Variants in SLC44A5 observed in about 807,000 individuals in gnomAD.
SLC44A5 encodes the protein choline transporter-like protein 5.
In SLC44A5, 57 loss-of-function variants were observed where a neutral mutation model predicts 101.8. That is an observed-to-expected ratio of 0.56 (90% CI 0.45 to 0.70). The LOEUF is 0.70. Ranked by LOEUF, SLC44A5 falls within the 30% of genes least tolerant of loss-of-function variation. SLC44A5 has a pLI of 0.00. For missense variants in SLC44A5, 737 were observed against 853.1 expected, an observed-to-expected ratio of 0.86 and a Z score of 1.70; for synonymous variants, 281 against 290.9, an observed-to-expected ratio of 0.97 and a Z score of 0.35.
At chr1:75,635,144 A>C in the SLC44A5 span, among the ~76,000 whole-genome samples, 29 of 151,728 alleles carry the variant, frequency 1.9e-4, no homozygotes, top group African/African-American at 6.8e-4. Context: ...GCAATCATTA[A>C]AAAGTCAGGA....
At chr1:75,565,589 C>T (rs1672746364) in intron 1 of SLC44A5, among the ~76,000 whole-genome samples, 1 of 152,198 alleles carries the variant, frequency 6.6e-6, no homozygotes, top group South Asian at 2.1e-4. Context: ...TCCATTTTTG[C>T]CACACATATT....
chr1:75,242,449 G>GT (rs1274279148), intron 8 of SLC44A5, among the ~76,000 whole-genome samples: 15 of 151,822 alleles, frequency 9.9e-5, no homozygotes, highest in South Asian at 8.3e-4. Context: ...ATTCTCTTAC[G>GT]TATCTCAAAC....
chr1:75,225,301 G>GTGTA (rs1647173824), intron 13 of SLC44A5, among the ~76,000 whole-genome samples: 1 of 152,154 alleles, frequency 6.6e-6, no homozygotes. Context: ...TAGCCTAAGA[G>GTGTA]TGTAGTAGGC....
In SLC44A5 at chr1:75,332,291, C is replaced by A. The variant is rs12033814; in HGVS notation, c.101+7291G>T. On this transcript the variant is annotated intron_variant, in intron 4 of 23. Transcript: ENST00000370859. Reference sequence around the variant, plus strand: ...GGAAGCCCACTGATAAATTTAATTTCAATATCAGCTACTGTATTAGTCTTG... The same window carrying A: ...GGAAGCCCACTGATAAATTTAATTTAAATATCAGCTACTGTATTAGTCTTG... Among the ~76,000 whole-genome samples the A allele has an allele frequency of 3.9e-4, 59 of 152,228 alleles. 1 individual carries two copies. The East Asian group carries it at 9.7e-3, about 25-fold the overall frequency.
intron 22 of SLC44A5, among the ~76,000 whole-genome samples, chr1:75,211,969 G>A (rs368660759): frequency 6.8e-6 from 1 of 146,002 alleles, no homozygotes; most frequent in African/African-American, 2.5e-5. Context: ...TTTCTCCCTC[G>A]GATAACAGTT....
At chr1:75,527,591 G>C (rs983419087) in intron 2 of SLC44A5, among the ~76,000 whole-genome samples, 1 of 152,126 alleles carries the variant, frequency 6.6e-6, no homozygotes, top group African/African-American at 2.4e-5. Flanking sequence ...CTCTGTATGA[G>C]AATTCAGATT....
intron 3 of SLC44A5, among the ~76,000 whole-genome samples, chr1:75,345,008 C>T (rs1286203523): frequency 6.6e-6 from 1 of 151,914 alleles, no homozygotes; most frequent in Non-Finnish European, 1.5e-5. Context: ...TAAATATTTA[C>T]AAGATAAGTT....
At chr1:75,658,232 C>A in the SLC44A5 span, among the ~76,000 whole-genome samples, 1 of 151,590 alleles carries the variant, frequency 6.6e-6, no homozygotes, top group South Asian at 2.1e-4. Context: ...TGCCACTATA[C>A]CTGGCTAATT....
the SLC44A5 span, among the ~76,000 whole-genome samples, chr1:75,689,069 A>G: frequency 2.0e-5 from 3 of 152,136 alleles, no homozygotes; most frequent in Admixed American, 2.0e-4. Context: ...GCTTTTTGAG[A>G]GGACTAATCC....
chr1:75,469,784 T>C (rs1018508759), intron 2 of SLC44A5, among the ~76,000 whole-genome samples: 4 of 151,230 alleles, frequency 2.6e-5, no homozygotes, highest in Non-Finnish European at 4.4e-5. Flanking sequence ...CCTGTAGTCC[T>C]AGCTACTCAG....
chr1:75,475,830 G>A (rs1667358382), intron 2 of SLC44A5, among the ~76,000 whole-genome samples: 1 of 152,212 alleles, frequency 6.6e-6, no homozygotes, highest in South Asian at 2.1e-4. Context: ...TGTGATGGTG[G>A]TGAACTTATT....
intron 2 of SLC44A5, among the ~76,000 whole-genome samples, chr1:75,458,645 T>C (rs1570340338): frequency 6.6e-6 from 1 of 152,070 alleles, no homozygotes; most frequent in Non-Finnish European, 1.5e-5. Context: ...ATTGGGAATA[T>C]GTAAAAAATG....
Position 75,495,648 on chromosome 1 carries a change from G to A in SLC44A5, c.13+45787C>T, listed in dbSNP as rs1377528435. On this transcript the variant is annotated intron_variant, in intron 2 of 23. Transcript: ENST00000370859. ...AGCAGACTAGATAAGGAGAAGAAAGGTTCAGCAAACTCAAAGACAAGTATC... is the reference window on the plus strand; with the variant it reads ...AGCAGACTAGATAAGGAGAAGAAAGATTCAGCAAACTCAAAGACAAGTATC... Among the ~76,000 whole-genome samples the A allele has an allele frequency of 2.0e-5, 3 of 151,554 alleles. No homozygotes were observed. In the South Asian group the frequency reaches 6.3e-4, roughly 32 times the overall value.
At chr1:75,483,599 T>G (rs1453444974) in intron 2 of SLC44A5, among the ~76,000 whole-genome samples, 1 of 151,962 alleles carries the variant, frequency 6.6e-6, no homozygotes, top group Admixed American at 6.5e-5. Flanking sequence ...GAAATTATTC[T>G]TTATTTAAAT....
chr1:75,206,361 ACT>A, intron 23 of SLC44A5: 1 of 381,916 alleles, frequency 2.6e-6, no homozygotes, highest in Non-Finnish European at 4.7e-6. Context: ...TTATTAAAAC[ACT>A]CTCGGCTACA....
chr1:75,610,854 C>CTA (rs1382294918), intron 1 of SLC44A5, among the ~76,000 whole-genome samples, 186 bp downstream of exon 1: 4 of 151,858 alleles, frequency 2.6e-5, no homozygotes, highest in East Asian at 1.9e-4. Flanking sequence ...CCCAGGATAT[C>CTA]TATATATATA....
In SLC44A5 at chr1:75,202,467, T is replaced by C. The variant is rs1198662110; in HGVS notation, c.*1260A>G. 1 of 152,206 alleles carries C rather than the reference T, an allele frequency of 6.6e-6. No homozygotes were observed. The highest frequency in any genetic ancestry group is 1.5e-5 in the Non-Finnish European group (1 of 68,038). The allele number at this position is 152,206 out of a possible 1,614,324, so 9.4% of individuals were successfully genotyped here. A position where few individuals can be genotyped will look rare whatever the true frequency, so the allele number is the denominator to read the frequency against. On this transcript the variant is annotated 3_prime_UTR_variant, in exon 24 of 24. Transcript: ENST00000370859. ...TGAATACTTTTCTGGACTCTTTCTG[T>C]AACAAACACTGAGTAACCAACTGAA...
rs748325229 is a variant in SLC44A5 at position 75,219,901 on chromosome 1, A to G, written c.1086-9T>C. ...GAACATATCCAATGGCTCTGAAATA[A>G]AACAAATAGTTGAAATTCAATTGTT... On this transcript the variant is annotated splice_polypyrimidine_tract_variant and intron_variant, in intron 14 of 23. Coordinates refer to ENST00000370859, the MANE Select transcript of SLC44A5 (RefSeq NM_001130058.2). 1 of 1,559,200 alleles carries G rather than the reference A, an allele frequency of 6.4e-7. No homozygotes were observed. The highest frequency in any genetic ancestry group is 2.3e-5 in the East Asian group (1 of 44,110).
chr1:75,468,959 G>A (rs1455842233), intron 2 of SLC44A5, among the ~76,000 whole-genome samples: 2 of 152,022 alleles, frequency 1.3e-5, no homozygotes, highest in East Asian at 1.9e-4. Flanking sequence ...CACCTGCTAT[G>A]TACCCACAAA....
Sources: gnomAD v4.1 joint callset for allele counts (sites outside exome capture counted in the v4.1 genomes callset) on GRCh38, gnomAD v4.1.1 for gene constraint, MANE v1.5 for transcripts, NCBI Gene and HGNC (gene_info 2026-07-23, HGNC 2026-07-21) for gene names.